The following MAP3K6 variants were observed in gnomAD, a reference collection of about 807,000 sequenced individuals.
The protein encoded by MAP3K6 is mitogen-activated protein kinase kinase kinase 6.
Under a neutral mutation model 147.1 loss-of-function variants are expected in MAP3K6, and 105 were observed. The ratio of observed to expected loss-of-function variants is 0.71; its 90% CI spans 0.61 to 0.84. The LOEUF (loss-of-function observed/expected upper bound fraction) is 0.84. Among genes scored for constraint, MAP3K6 ranks in the 40% least tolerant of loss-of-function variants. The pLI, the probability that MAP3K6 is intolerant of heterozygous loss-of-function variation, is 0.00. For missense variants in MAP3K6, 1,569 were observed against 1,715.0 expected, an observed-to-expected ratio of 0.91 and a Z score of 1.50; for synonymous variants, 695 against 732.4, an observed-to-expected ratio of 0.95 and a Z score of 0.82.
chr1:27,363,122 C>A (rs1172300461), intron 6 of MAP3K6, 101 bp from the exon 7 acceptor site: 2 of 1,039,982 alleles, frequency 1.9e-6, no homozygotes, highest in Non-Finnish European at 2.8e-6. Flanking sequence ...AGGGGCCTGA[C>A]AATAATGACC....
rs755723734 is a variant in MAP3K6 at position 27,359,945 on chromosome 1, G to C, written c.2232C>G (p.Asn744Lys). 1.2e-6 allele frequency: 2 copies of C among 1,614,052 alleles called. No individual in the cohort carries two copies. Among genetic ancestry groups the C allele is most frequent in the Admixed American group, 3.3e-5 (2 of 60,014 alleles). The change falls in exon 17 of 29, where the codon AAC becomes AAG. Residue 744 changes from asparagine (N) to lysine (K), a missense_variant. Asn to Lys is a moderately conservative substitution (Grantham distance 94). Coordinates refer to ENST00000357582, the MANE Select transcript of MAP3K6 (RefSeq NM_004672.5). This position sits in a 1 kb window ranked among gnomAD's most constrained non-coding sequence, Gnocchi z 4.4. Reference protein sequence around the residue: ...LRSVWGPLKDNESTISFYTRQ... With the variant: ...LRSVWGPLKDKESTISFYTRQ... ...GGGTGTAGAAACTGATGGTGCTCTC[G>C]TTGTCCTTCAGGGGTCCCCACACCG...
chr1:27,362,670 A>G lies in MAP3K6; in HGVS notation c.1226T>C (p.Phe409Ser). 1.2e-6 allele frequency: 2 copies of G among 1,601,686 alleles called. No individual in the cohort carries two copies. Among genetic ancestry groups the G allele is most frequent in the Non-Finnish European group, 1.7e-6 (2 of 1,173,042 alleles). Residue 409 changes from phenylalanine to serine, a missense_variant, in exon 8 of 29, where the codon TTT becomes TCT. Transcript: ENST00000357582. Reference protein sequence around the residue: ...AVLLIAAGQHFEDSKELRLIG... With the variant: ...AVLLIAAGQHSEDSKELRLIG... ...TAGCCGGAGCTCTTTGGAATCCTCA[A>G]AGTGCTGCCCGGCAGCAATGAGGAG...
intron 12 of MAP3K6, 22 bp from the exon 13 acceptor site, chr1:27,361,274 A>C (rs2015758069): frequency 6.2e-7 from 1 of 1,613,396 alleles, no homozygotes; most frequent in Admixed American, 1.7e-5. Flanking sequence ...TGAAGAACCC[A>C]GTAAGCGTCA....
rs1201000467 is a variant in MAP3K6, at chr1:27,361,765, G to A, written c.1518C>T (p.His506=). Residue 506 remains histidine, a synonymous_variant, in exon 10 of 29, where the codon CAC becomes CAT. Transcript: ENST00000357582. Reference sequence around the variant, plus strand: ...ATGGTTGGCAGGACTGTAGCAAGAAGTGGAGCCAGAAGTGGGCACGGCGTG... The same window carrying A: ...ATGGTTGGCAGGACTGTAGCAAGAAATGGAGCCAGAAGTGGGCACGGCGTG... ...GPPRRAHFWL[H]FLLQSCQPFK... is the part of the protein sequence containing the mutation. The A allele has an allele frequency of 2.5e-6, 4 of 1,613,254 alleles. No homozygotes were observed. The South Asian group carries it at 4.4e-5, about 18-fold the overall frequency.
Position 27,360,006 on chromosome 1 carries a change from C to T in MAP3K6, c.2183-12G>A. ...GGAGGACAGGCTGCCTGGGTGGGGACAGTCCAAGTTCATTCTTCCCACCCA... is the reference window on the plus strand; with the variant it reads ...GGAGGACAGGCTGCCTGGGTGGGGATAGTCCAAGTTCATTCTTCCCACCCA... On this transcript the variant is annotated splice_polypyrimidine_tract_variant and intron_variant, in intron 16 of 28. Coordinates refer to ENST00000357582, the MANE Select transcript of MAP3K6 (RefSeq NM_004672.5). This position sits in a 1 kb window ranked among gnomAD's most constrained non-coding sequence, Gnocchi z 4.5. The T allele has an allele frequency of 1.9e-6, 3 of 1,613,784 alleles. No individual in the cohort carries two copies. Among genetic ancestry groups the T allele is most frequent in the Non-Finnish European group, 2.5e-6 (3 of 1,179,924 alleles).
In MAP3K6 at chr1:27,364,256, G is replaced by T. The variant is rs1335896588; in HGVS notation, c.643C>A (p.Pro215Thr). 2.5e-6 allele frequency: 4 copies of T among 1,613,562 alleles called. No individual in the cohort carries two copies. Among genetic ancestry groups the T allele is most frequent in the Non-Finnish European group, 3.4e-6 (4 of 1,180,000 alleles). Residue 215 changes from proline to threonine, a missense_variant, in exon 4 of 29, where the codon CCC becomes ACC. Coordinates refer to ENST00000357582, the MANE Select transcript of MAP3K6 (RefSeq NM_004672.5). The surrounding 1 kb of genome is among the most constrained non-coding windows in gnomAD (Gnocchi z 4.4). Reference sequence around the variant, plus strand: ...AGGCGGGCAAGCCGGCCCACCAGGGGAGTGAGCAGGGCCTCGGTCCCCACT... The same window carrying T: ...AGGCGGGCAAGCCGGCCCACCAGGGTAGTGAGCAGGGCCTCGGTCCCCACT... ...AGVGTEALLTPLVGRLARLLE... is the reference protein window; with the variant it reads ...AGVGTEALLTTLVGRLARLLE...
At position 27,366,797 on chromosome 1, in the gene MAP3K6, C is replaced by T; in HGVS notation, c.-200G>A. 3.9e-6 allele frequency: 1 copy of T among 259,394 alleles called. No individual in the cohort carries two copies. Among genetic ancestry groups the T allele is most frequent in the Non-Finnish European group, 6.1e-6 (1 of 163,676 alleles). The allele number at this position is 259,394 out of a possible 1,614,324, so 16.1% of individuals were successfully genotyped here. On this transcript the variant is annotated 5_prime_UTR_variant, in exon 1 of 29. Coordinates refer to ENST00000357582, the MANE Select transcript of MAP3K6 (RefSeq NM_004672.5). The surrounding 1 kb of genome is among the most constrained non-coding windows in gnomAD (Gnocchi z 5.5). ...AGGGAGAAATCCTAGCTCGGACTTG[C>T]AAGGTCCTGAGGTTCTGAAATCCGG...
At chr1:27,365,934 C>T (rs2148062630) in intron 1 of MAP3K6, among the ~76,000 whole-genome samples, 1 of 151,240 alleles carries the variant, frequency 6.6e-6, no homozygotes, top group East Asian at 2.0e-4. Flanking sequence ...CGCCGCTCCC[C>T]GCCCCGCCCC....
At position 27,356,633 on chromosome 1, in the gene MAP3K6, G is replaced by C. The variant is rs775770475; in HGVS notation, c.3481C>G (p.Pro1161Ala). ...AAGAGGCTCAGCTGCACCATCAGAG[G>C]AGCGGGGCCCTGCTCGGGCTCCACC... ...LPVEPEQGPAPLMVQLSLLRA... is the reference protein window; with the variant it reads ...LPVEPEQGPAALMVQLSLLRA... The change falls in exon 25 of 29, where the codon CCT becomes GCT. Residue 1161 changes from proline to alanine, a missense_variant. Pro to Ala is a conservative substitution (Grantham distance 27, BLOSUM62 -1). Transcript: ENST00000357582. 1.9e-5 allele frequency: 30 copies of C among 1,612,618 alleles called. No individual in the cohort carries two copies. The highest frequency in any genetic ancestry group is 5.0e-5 in the Admixed American group (3 of 59,748).
Position 27,358,909 on chromosome 1 carries a change from CATGGGGTTGGAG to C in MAP3K6, c.2426-55_2426-44del. 1 of 1,532,112 alleles carries C rather than the reference CATGGGGTTGGAG, an allele frequency of 6.5e-7. No individual in the cohort carries two copies. The allele number at this position is 1,532,112 out of a possible 1,614,324, so 94.9% of individuals were successfully genotyped here. ...GCACCAATGCCCATCTAGGCTTCAT[CATGGGGTTGGAG>C]CAGGGAGGGGAATGCCGTCATCCTC... On this transcript the variant is annotated intron_variant, in intron 18 of 28. Transcript: ENST00000357582. The surrounding 1 kb of genome is among the most constrained non-coding windows in gnomAD (Gnocchi z 6.2).
chr1:27,363,149 C>T (rs1207241607), intron 6 of MAP3K6, 128 bp from the exon 7 acceptor site: 1 of 850,702 alleles, frequency 1.2e-6, no homozygotes, highest in Non-Finnish European at 1.8e-6. Flanking sequence ...TGATAATGAC[C>T]CTGGCCAGCA....
intron 8 of MAP3K6, 35 bp from the exon 9 acceptor site, chr1:27,362,285 G>C: frequency 6.3e-7 from 1 of 1,576,218 alleles, no homozygotes; most frequent in Non-Finnish European, 8.6e-7. Context: ...AGTGAGTGTG[G>C]GTGCAGGGGT....
chr1:27,363,063 C>A (rs1464110068), intron 6 of MAP3K6, 42 bp from the exon 7 acceptor site: 2 of 1,567,598 alleles, frequency 1.3e-6, no homozygotes, highest in Admixed American at 1.9e-5. Context: ...ATGGCCCTGG[C>A]CTACTCTGTC....
In MAP3K6 at chr1:27,361,398, G is replaced by A. The variant is rs1275260363; in HGVS notation, c.1687-3C>T. ...AAGGTCCAGCTGGAGGGAATGTCCTGCAAGAAGAAATGGGGTGTGATGGGG... is the reference window on the plus strand; with the variant it reads ...AAGGTCCAGCTGGAGGGAATGTCCTACAAGAAGAAATGGGGTGTGATGGGG... On this transcript the variant is annotated splice_region_variant and splice_polypyrimidine_tract_variant and intron_variant, in intron 11 of 28. Transcript: ENST00000357582. 1 of 1,613,584 alleles carries A rather than the reference G, an allele frequency of 6.2e-7. No homozygotes were observed. The highest frequency in any genetic ancestry group is 8.5e-7 in the Non-Finnish European group (1 of 1,179,952).
In MAP3K6 at chr1:27,360,645, G is replaced by T; in HGVS notation, c.2054+60C>A. The T allele has an allele frequency of 6.4e-7, 1 of 1,560,280 alleles. No individual in the cohort carries two copies. Among genetic ancestry groups the T allele is most frequent in the Non-Finnish European group, 8.7e-7 (1 of 1,155,696 alleles). On this transcript the variant is annotated intron_variant, in intron 15 of 28. Transcript: ENST00000357582. This position sits in a 1 kb window ranked among gnomAD's most constrained non-coding sequence, Gnocchi z 4.5. ...CGCCCACAGGAGCCGCTCCGCTCGT[G>T]GCCCGGCTCACTCGGCCCTCGCGAG...
At position 27,360,030 on chromosome 1, in the gene MAP3K6, C is replaced by T; in HGVS notation, c.2183-36G>A. 6.2e-7 allele frequency: 1 copy of T among 1,612,332 alleles called. No individual in the cohort carries two copies. The highest frequency in any genetic ancestry group is 1.3e-5 in the African/African-American group (1 of 74,982). ...ACAGTCCAAGTTCATTCTTCCCACC[C>T]ACTGGCTCCAGCCCACATCTCTCTG... is the stretch of plus-strand genomic sequence containing the variant. On this transcript the variant is annotated intron_variant, in intron 16 of 28. Transcript: ENST00000357582. This position sits in a 1 kb window ranked among gnomAD's most constrained non-coding sequence, Gnocchi z 4.5.
Position 27,357,360 on chromosome 1 carries a change from CTGT to C in MAP3K6, c.3258+37_3258+39del, listed in dbSNP as rs760072644. The C allele has an allele frequency of 5.1e-6, 8 of 1,568,638 alleles. No homozygotes were observed. In the South Asian group the frequency reaches 9.3e-5, roughly 18 times the overall value. On this transcript the variant is annotated intron_variant, in intron 23 of 28. Coordinates refer to ENST00000357582, the MANE Select transcript of MAP3K6 (RefSeq NM_004672.5). ...TCACCAGGCACGGGGAACTCACTAC[CTGT>C]TGTTGGGCAGCTCTAACTACCAGAA... is the stretch of plus-strand genomic sequence containing the variant.
At chr1:27,355,540 C>G (rs2015488827) in intron 28 of MAP3K6, 71 bp from the exon 29 acceptor site, 1 of 1,573,716 alleles carries the variant, frequency 6.4e-7, no homozygotes. Context: ...ACACTGTCTG[C>G]CCAGTGCCCC....
In MAP3K6 at chr1:27,357,822, CCCCGAACT is replaced by C; in HGVS notation, c.2962_2969del (p.Ser988AlafsTer147). 6.2e-7 allele frequency: 1 copy of C among 1,603,336 alleles called. No homozygotes were observed. Among genetic ancestry groups the C allele is most frequent in the Non-Finnish European group, 8.5e-7 (1 of 1,176,964 alleles). On this transcript the variant is annotated frameshift_variant, in exon 22 of 29. Transcript: ENST00000357582. LOFTEE classifies it high-confidence loss of function. ...TGCTCTCCTGGTGCAGCAGGCTCAG[CCCCGAACT>C]CTCCTCCGGAGACGCAGGCTCCTCG... is the stretch of plus-strand genomic sequence containing the variant.
Sources: gnomAD v4.1 joint callset for allele counts (sites outside exome capture counted in the v4.1 genomes callset) on GRCh38, gnomAD v4.1.1 for gene constraint, Gnocchi (gnomAD v3.1) non-coding constraint, MANE v1.5 for transcripts, NCBI Gene and HGNC (gene_info 2026-07-23, HGNC 2026-07-21) for gene names.